Variants in PDLIM5 observed in about 807,000 individuals in gnomAD.
The protein encoded by PDLIM5 is PDZ and LIM domain 5.
A neutral mutation model predicts 64.2 loss-of-function variants in PDLIM5; 34 were observed. The observed-to-expected ratio is 0.53, with a 90% confidence interval of 0.40 to 0.71. The LOEUF (loss-of-function observed/expected upper bound fraction) is 0.71, where lower values mean the gene tolerates loss of function less well. Ranked by LOEUF, PDLIM5 falls within the 30% of genes least tolerant of loss-of-function variation. The pLI, the probability that PDLIM5 is intolerant of heterozygous loss-of-function variation, is 0.00. For synonymous variants in PDLIM5, 253 were observed against 269.1 expected, an observed-to-expected ratio of 0.94 and a Z score of 0.59; for missense variants, 683 against 733.6, an observed-to-expected ratio of 0.93 and a Z score of 0.80.
intron 2 of PDLIM5, among the ~76,000 whole-genome samples, chr4:94,520,031 G>T (rs1436412347): frequency 6.6e-6 from 1 of 152,126 alleles, no homozygotes; most frequent in Admixed American, 6.6e-5. Context: ...TTAATGGGGA[G>T]GCTTGGTAAA....
intron 5 of PDLIM5, among the ~76,000 whole-genome samples, chr4:94,578,669 T>G (rs1319127301): frequency 6.6e-6 from 1 of 152,172 alleles, no homozygotes; most frequent in Admixed American, 6.5e-5. Context: ...GTGCTATTAA[T>G]GGATGCATTT....
Position 94,508,368 on chromosome 4 carries a change from TAA to T in PDLIM5, c.97-15355_97-15354del, listed in dbSNP as rs3840290. ...GTGAAAAAAGGTACAGGAAACTTAT[TAA>T]GTGGTATTGGTGGAAGTTCTAACCT... On this transcript the variant is annotated intron_variant, in intron 2 of 12. Transcript: ENST00000317968. Among the ~76,000 whole-genome samples the T allele has an allele frequency of 1.6e-3, 250 of 152,252 alleles. 5 individuals are homozygous for T. The East Asian group carries it at 0.034, about 21-fold the overall frequency.
chr4:94,665,774 A>AT lies in PDLIM5; in HGVS notation c.*1708dup, dbSNP rs1743053188. On this transcript the variant is annotated 3_prime_UTR_variant, in exon 13 of 13. Transcript: ENST00000317968. ...GACTTTTTGTGGTTTTCTCTCAATAATAAGTGAACCAATTTCAAATGTGAT... is the reference window on the plus strand; with the variant it reads ...GACTTTTTGTGGTTTTCTCTCAATAATTAAGTGAACCAATTTCAAATGTGAT... 1 of 1,265,916 alleles carries AT rather than the reference A, an allele frequency of 7.9e-7. No individual in the cohort carries two copies. Among genetic ancestry groups the AT allele is most frequent in the African/African-American group, 1.5e-5 (1 of 64,998 alleles). The allele number at this position is 1,265,916 out of a possible 1,614,324, so 78.4% of individuals were successfully genotyped here. A position where few individuals can be genotyped will look rare whatever the true frequency, so the allele number is the denominator to read the frequency against.
intron 2 of PDLIM5, among the ~76,000 whole-genome samples, chr4:94,509,231 T>G (rs1392219746): frequency 6.6e-6 from 1 of 152,202 alleles, no homozygotes; most frequent in African/African-American, 2.4e-5. Flanking sequence ...TTACTTTGTT[T>G]TGGTCTCTGG....
intron 2 of PDLIM5, among the ~76,000 whole-genome samples, chr4:94,494,429 C>CTTTTTTTTTTTTTTTT (rs1261064734): frequency 3.9e-4 from 20 of 51,600 alleles, no homozygotes; most frequent in African/African-American, 8.2e-4. Context: ...TTTTTTTTTT[C>CTTTTTTTTTTTTTTTT]TTGTTTTTTT....
intron 3 of PDLIM5, among the ~76,000 whole-genome samples, chr4:94,536,221 G>T (rs935092916): frequency 1.3e-5 from 2 of 152,090 alleles, no homozygotes; most frequent in African/African-American, 2.4e-5. Flanking sequence ...CAGCATGAGG[G>T]TGAGGAGTGT....
chr4:94,610,105 A>G (rs763763521), intron 7 of PDLIM5: 120 of 987,220 alleles, frequency 1.2e-4, no homozygotes, highest in Non-Finnish European at 1.7e-4. Flanking sequence ...TTATTATGCT[A>G]CCCTTTCTCA....
chr4:94,586,575 G>T, intron 7 of PDLIM5, 131 bp downstream of exon 7: 2 of 618,680 alleles, frequency 3.2e-6, no homozygotes, highest in East Asian at 5.4e-5. Context: ...TTTAACTTTG[G>T]TGCCTTTTGT....
intron 2 of PDLIM5, among the ~76,000 whole-genome samples, chr4:94,470,035 C>G (rs149045165): frequency 7.3e-6 from 1 of 137,388 alleles, no homozygotes; most frequent in Non-Finnish European, 1.5e-5. Context: ...GGCGTGATCT[C>G]GACTCACTGC....
intron 2 of PDLIM5, among the ~76,000 whole-genome samples, chr4:94,471,772 C>T (rs1411476500): frequency 6.6e-6 from 1 of 152,214 alleles, no homozygotes; most frequent in East Asian, 1.9e-4. Context: ...AATAAATTAA[C>T]ACTTGTAAGG....
intron 2 of PDLIM5, among the ~76,000 whole-genome samples, chr4:94,514,667 A>G (rs1056651526): frequency 6.6e-6 from 1 of 152,158 alleles, no homozygotes; most frequent in Non-Finnish European, 1.5e-5. Flanking sequence ...ATTGGGTCCA[A>G]GGCTTTTCTT....
chr4:94,643,809 C>G lies in PDLIM5; in HGVS notation c.1283+3359C>G, dbSNP rs548576845. Among the ~76,000 whole-genome samples, 5 of 152,274 alleles carry G rather than the reference C, an allele frequency of 3.3e-5. No individual in the cohort carries two copies. The South Asian group carries it at 1.0e-3, about 32-fold the overall frequency. ...TTTGCTCAGTGATTTTCAAACCTCT[C>G]TCATAAGGAGCACCATCTCAGTTTA... is the stretch of plus-strand genomic sequence containing the variant. On this transcript the variant is annotated intron_variant, in intron 9 of 12. Transcript: ENST00000317968.
chr4:94,510,246 A>C (rs1255014977), intron 2 of PDLIM5, among the ~76,000 whole-genome samples: 1 of 151,990 alleles, frequency 6.6e-6, no homozygotes, highest in Non-Finnish European at 1.5e-5. Flanking sequence ...TTTCCACTCC[A>C]GTTTTTGGGT....
rs1386498301 is a variant in PDLIM5 at position 94,665,730 on chromosome 4, G to A, written c.*1663G>A. The A allele has an allele frequency of 4.2e-6, 5 of 1,198,168 alleles. No individual in the cohort carries two copies. The highest frequency in any genetic ancestry group is 1.6e-5 in the African/African-American group (1 of 63,540). 74.2% of individuals were successfully genotyped at this position (1,198,168 alleles called of 1,614,324 possible). ...CATTTAAAAATTAAAAGATTGGTTTGAGGATGTGATGAAATTGAGACTTTT... is the reference window on the plus strand; with the variant it reads ...CATTTAAAAATTAAAAGATTGGTTTAAGGATGTGATGAAATTGAGACTTTT... On this transcript the variant is annotated 3_prime_UTR_variant, in exon 13 of 13. Transcript: ENST00000317968.
At chr4:94,518,708 C>A (rs1204737873) in intron 2 of PDLIM5, among the ~76,000 whole-genome samples, 1 of 152,022 alleles carries the variant, frequency 6.6e-6, no homozygotes, top group Non-Finnish European at 1.5e-5. Flanking sequence ...TATAATTAAT[C>A]ATTATTTTGA....
intron 2 of PDLIM5, among the ~76,000 whole-genome samples, chr4:94,479,455 G>A (rs1725656538): frequency 6.6e-6 from 1 of 150,566 alleles, no homozygotes; most frequent in Non-Finnish European, 1.5e-5. Context: ...AGCCTCTCAA[G>A]TAGTTGGGAC....
At chr4:94,642,556 A>C (rs1376801909) in intron 9 of PDLIM5, among the ~76,000 whole-genome samples, 1 of 152,126 alleles carries the variant, frequency 6.6e-6, no homozygotes, top group East Asian at 1.9e-4. Flanking sequence ...ATTGTTCTGG[A>C]TTATCCAGTA....
At chr4:94,485,447 AC>A (rs1467466332) in intron 2 of PDLIM5, among the ~76,000 whole-genome samples, 2 of 152,170 alleles carry the variant, frequency 1.3e-5, no homozygotes, top group African/African-American at 4.8e-5. Flanking sequence ...TATTTCACAC[AC>A]TGCATGGCCA....
In PDLIM5 at chr4:94,640,396, A is replaced by G. The variant is rs1260377160; in HGVS notation, c.1229A>G (p.His410Arg). Residue 410 changes from histidine to arginine, a missense_variant, in exon 9 of 13, where the codon CAC (histidine) becomes CGC (arginine). Coordinates refer to ENST00000317968, the MANE Select transcript of PDLIM5 (RefSeq NM_006457.5). Reference protein sequence around the residue: ...DQDTLVQRAEHIPAGKRTPMC... With the variant: ...DQDTLVQRAERIPAGKRTPMC... Reference sequence around the variant, plus strand: ...GACACTTTAGTGCAAAGAGCTGAGCACATTCCAGCAGGGAAACGAACTCCG... The same window carrying G: ...GACACTTTAGTGCAAAGAGCTGAGCGCATTCCAGCAGGGAAACGAACTCCG... The G allele has an allele frequency of 5.6e-6, 9 of 1,612,060 alleles. No homozygotes were observed. The highest frequency in any genetic ancestry group is 6.8e-6 in the Non-Finnish European group (8 of 1,178,882).
Sources: gnomAD v4.1 joint callset for allele counts (sites outside exome capture counted in the v4.1 genomes callset) on GRCh38, gnomAD v4.1.1 for gene constraint, MANE v1.5 for transcripts, NCBI Gene and HGNC (gene_info 2026-07-23, HGNC 2026-07-21) for gene names.